The following CPXM2 variants were observed in gnomAD, a reference collection of about 807,000 sequenced individuals.
The protein encoded by CPXM2 is carboxypeptidase X, M14 family member 2, also known as inactive carboxypeptidase-like protein X2.
CPXM2 carries 66 observed loss-of-function variants against 86.1 expected under a neutral mutation model. The ratio of observed to expected loss-of-function variants is 0.77; its 90% CI spans 0.63 to 0.94. CPXM2 has a LOEUF of 0.94. Among genes scored for constraint, CPXM2 ranks in the 40% least tolerant of loss-of-function variants. CPXM2 has a pLI of 0.00. For synonymous variants in CPXM2, 388 were observed against 400.2 expected (o/e 0.97, Z 0.36); for missense variants, 948 against 1,026.3 (o/e 0.92, Z 1.04).
chr10:123,943,051 T>G (rs1318238027), upstream of CPXM2, among the ~76,000 whole-genome samples: 2 of 152,214 alleles, frequency 1.3e-5, no homozygotes, highest in Non-Finnish European at 2.9e-5. Context: ...GCCATACCAG[T>G]AGACTATACC....
chr10:123,816,466 C>T (rs1015112290), intron 4 of CPXM2, among the ~76,000 whole-genome samples: 2 of 152,190 alleles, frequency 1.3e-5, no homozygotes, highest in African/African-American at 4.8e-5. Flanking sequence ...CCATCAAGGG[C>T]TTGAAAGGTA....
intron 2 of CPXM2, among the ~76,000 whole-genome samples, chr10:123,924,536 G>C (rs1440202567): frequency 6.6e-6 from 1 of 152,244 alleles, no homozygotes; most frequent in Non-Finnish European, 1.5e-5. Context: ...AAGTGGAGGA[G>C]TTTCTGTTCT....
chr10:123,759,061 A>G (rs1291470993), intron 11 of CPXM2, among the ~76,000 whole-genome samples: 2 of 152,196 alleles, frequency 1.3e-5, no homozygotes, highest in Non-Finnish European at 2.9e-5. Flanking sequence ...GCCTCTGATC[A>G]AGCCTGTGAT....
intron 2 of CPXM2, among the ~76,000 whole-genome samples, chr10:123,938,030 C>G (rs1945738986): frequency 6.6e-6 from 1 of 152,106 alleles, no homozygotes; most frequent in African/African-American, 2.4e-5. Context: ...AGGTACACCA[C>G]CAAGAAAATG....
At chr10:123,904,399 C>G (rs1945413520) in intron 2 of CPXM2, among the ~76,000 whole-genome samples, 1 of 152,212 alleles carries the variant, frequency 6.6e-6, no homozygotes, top group Admixed American at 6.5e-5. Flanking sequence ...GAGCAGTCAC[C>G]TCACCTCTCT....
chr10:123,863,458 G>A (rs963561407), intron 2 of CPXM2, among the ~76,000 whole-genome samples: 4 of 152,156 alleles, frequency 2.6e-5, no homozygotes, highest in East Asian at 3.9e-4. Context: ...CCAACCACCC[G>A]AGGCTGACCT....
chr10:123,785,972 A>G (rs1351240218), intron 6 of CPXM2, among the ~76,000 whole-genome samples: 1 of 152,198 alleles, frequency 6.6e-6, no homozygotes, highest in African/African-American at 2.4e-5. Context: ...GACTAGGCAG[A>G]TGCATGCCTG....
chr10:123,819,765 T>G (rs1475981460), intron 4 of CPXM2, among the ~76,000 whole-genome samples: 1 of 152,196 alleles, frequency 6.6e-6, no homozygotes, highest in East Asian at 1.9e-4. Flanking sequence ...TCAGGAGATG[T>G]GTATGGGTTC....
chr10:123,938,617 C>T lies in CPXM2; in HGVS notation n.174+860G>A, dbSNP rs566234520. On this transcript the variant is annotated intron_variant and non_coding_transcript_variant, in intron 2 of 19. Coordinates refer to the CPXM2 transcript ENST00000368854. ...GCAAGGGAGCCTGGGACACTGTGCA[C>T]CTGGCCAAGGGGAACAGGGTCACTG... Among the ~76,000 whole-genome samples the T allele has an allele frequency of 4.0e-3, 605 of 152,314 alleles. 3 individuals carry two copies. Among genetic ancestry groups the T allele is most frequent in the African/African-American group, 0.013 (552 of 41,574 alleles).
intron 2 of CPXM2, among the ~76,000 whole-genome samples, chr10:123,935,144 C>T (rs1404295278): frequency 1.3e-4 from 20 of 152,188 alleles, no homozygotes; most frequent in African/African-American, 4.6e-4. Flanking sequence ...CCTGTCAGAG[C>T]CTGCTGCATG....
intron 6 of CPXM2, among the ~76,000 whole-genome samples, chr10:123,785,807 G>C (rs1028983059): frequency 6.6e-5 from 10 of 151,972 alleles, no homozygotes; most frequent in Non-Finnish European, 1.2e-4. Flanking sequence ...TAAATTTTTT[G>C]TATTTTTAGT....
Position 123,891,564 on chromosome 10 carries a change from G to C in CPXM2, c.96C>G (p.Asp32Glu). 1 of 1,546,130 alleles carries C rather than the reference G, an allele frequency of 6.5e-7. No individual in the cohort carries two copies. The highest frequency in any genetic ancestry group is 8.7e-7 in the Non-Finnish European group (1 of 1,144,560). The change falls in exon 1 of 14, where the codon GAC becomes GAG. Residue 32 changes from aspartate to glutamate, a missense_variant. By Grantham distance (45) the Asp-to-Glu change is conservative. Coordinates refer to ENST00000241305, the MANE Select transcript of CPXM2 (RefSeq NM_198148.3). The surrounding 1 kb of genome is among the most constrained non-coding windows in gnomAD (Gnocchi z 5.6). The part of the protein sequence containing the change: ...GVGAQGAALE[D>E]PDYYGQEIWS... ...AGATCTCCTGCCCGTAATAATCAGG[G>C]TCCTCGAGGGCTGCGCCCTGGGCTC...
intron 2 of CPXM2, among the ~76,000 whole-genome samples, chr10:123,898,755 CTTTTTT>C (rs1306454264): frequency 2.6e-5 from 4 of 152,048 alleles, no homozygotes; most frequent in Non-Finnish European, 4.4e-5. Flanking sequence ...CTTTCTTTTT[CTTTTTT>C]AAGATGGAGT....
At position 123,746,428 on chromosome 10, in the gene CPXM2, C is replaced by A; in HGVS notation, c.*336G>T. Reference sequence around the variant, plus strand: ...TGCTGCCACGCAAACAGGGGAAGCACCAGAATCCTTTTCTATGCAGCCAGA... The same window carrying A: ...TGCTGCCACGCAAACAGGGGAAGCAACAGAATCCTTTTCTATGCAGCCAGA... On this transcript the variant is annotated 3_prime_UTR_variant, in exon 14 of 14. Transcript: ENST00000241305. 3.2e-6 allele frequency: 1 copy of A among 308,320 alleles called. No individual in the cohort carries two copies. Among genetic ancestry groups the A allele is most frequent in the Non-Finnish European group, 6.0e-6 (1 of 167,366 alleles). The allele number at this position is 308,320 out of a possible 1,614,324, so 19.1% of individuals were successfully genotyped here.
At chr10:123,836,975 C>T (rs573429086) in intron 4 of CPXM2, among the ~76,000 whole-genome samples, 41 of 151,828 alleles carry the variant, frequency 2.7e-4, no homozygotes, top group African/African-American at 8.5e-4. Context: ...CCTGCCCCAT[C>T]AGCCACCCCC....
Position 123,746,685 on chromosome 10 carries a change from G to C in CPXM2, c.*79C>G. 2.2e-6 allele frequency: 3 copies of C among 1,337,206 alleles called. No homozygotes were observed. The South Asian group carries it at 3.9e-5, about 17-fold the overall frequency. The allele number at this position is 1,337,206 out of a possible 1,614,324, so 82.8% of individuals were successfully genotyped here. ...CTTGAATTACAGAGGAAACAACAGTGAGTGAGTCCACTATGGAGCTACTAC... is the reference window on the plus strand; with the variant it reads ...CTTGAATTACAGAGGAAACAACAGTCAGTGAGTCCACTATGGAGCTACTAC... On this transcript the variant is annotated 3_prime_UTR_variant, in exon 14 of 14. Coordinates refer to ENST00000241305, the MANE Select transcript of CPXM2 (RefSeq NM_198148.3).
chr10:123,867,873 T>C (rs1944821814), intron 2 of CPXM2, among the ~76,000 whole-genome samples: 1 of 152,090 alleles, frequency 6.6e-6, no homozygotes, highest in Non-Finnish European at 1.5e-5. Context: ...ATGTCCAAAA[T>C]GAATAAAGTG....
chr10:123,893,617 G>T (rs1298433932), upstream of CPXM2, among the ~76,000 whole-genome samples: 4 of 152,204 alleles, frequency 2.6e-5, no homozygotes, highest in East Asian at 7.8e-4. Context: ...GGGCAGGAGG[G>T]TCCCCTTCCC....
intron 2 of CPXM2, among the ~76,000 whole-genome samples, chr10:123,908,012 A>G (rs1213459892): frequency 6.6e-6 from 1 of 152,202 alleles, no homozygotes; most frequent in Non-Finnish European, 1.5e-5. Context: ...GCAAGGACTC[A>G]ATAGGAGACT....
Sources: gnomAD v4.1 joint callset for allele counts (sites outside exome capture counted in the v4.1 genomes callset) on GRCh38, gnomAD v4.1.1 for gene constraint, Gnocchi (gnomAD v3.1) non-coding constraint, MANE v1.5 for transcripts, NCBI Gene and HGNC (gene_info 2026-07-23, HGNC 2026-07-21) for gene names.